The following CADM2 variants were observed in gnomAD, a reference collection of about 807,000 sequenced individuals.
CADM2 encodes immunoglobulin superfamily member 4D.
In CADM2, 12 loss-of-function variants were observed where a neutral mutation model predicts 49.8. The observed-to-expected ratio is 0.24, with a 90% CI of 0.15 to 0.39. CADM2 has a LOEUF of 0.39. Among genes scored for constraint, CADM2 ranks in the 10% least tolerant of loss-of-function variants. The probability of loss-of-function intolerance (pLI) is 1.00; values close to 1 mark genes in which losing one functional copy is unlikely to be tolerated. For missense variants in CADM2, 378 were observed against 492.3 expected, an observed-to-expected ratio of 0.77 and a Z score of 2.20; for synonymous variants, 214 against 175.4, an observed-to-expected ratio of 1.22 and a Z score of -1.74.
intron 3 of CADM2, among the ~76,000 whole-genome samples, chr3:85,812,111 TTG>T (rs1193036050): frequency 2.6e-5 from 4 of 151,988 alleles, no homozygotes; most frequent in African/African-American, 9.7e-5. Context: ...AAGTGTCAAG[TTG>T]TCAGGTACCA....
At chr3:85,474,295 T>C (rs2038890573) in intron 1 of CADM2, among the ~76,000 whole-genome samples, 1 of 151,858 alleles carries the variant, frequency 6.6e-6, no homozygotes, top group African/African-American at 2.4e-5. Context: ...AGTGTTGAAG[T>C]TGGAGTCCGA....
chr3:85,750,840 A>C (rs2068830413), intron 2 of CADM2, among the ~76,000 whole-genome samples: 2 of 152,066 alleles, frequency 1.3e-5, no homozygotes, highest in Admixed American at 6.6e-5. Context: ...GTAATTTCAT[A>C]TGTGACACCA....
At chr3:85,968,410 G>C (rs1255039159) in intron 8 of CADM2, among the ~76,000 whole-genome samples, 1 of 151,490 alleles carries the variant, frequency 6.6e-6, no homozygotes, top group Non-Finnish European at 1.5e-5. Context: ...ATATGTCTCT[G>C]TTTTAAGATG....
intron 1 of CADM2, among the ~76,000 whole-genome samples, chr3:85,361,194 A>G (rs1355975052): frequency 6.6e-6 from 1 of 152,174 alleles, no homozygotes; most frequent in Non-Finnish European, 1.5e-5. Context: ...AATTGGGAGC[A>G]CAAGACTGCA....
chr3:85,028,699 C>T (rs1423340639), intron 1 of CADM2, among the ~76,000 whole-genome samples: 1 of 152,010 alleles, frequency 6.6e-6, no homozygotes, highest in Admixed American at 6.6e-5. Flanking sequence ...CTGGTATACT[C>T]AGTTATGTAA....
intron 1 of CADM2, among the ~76,000 whole-genome samples, chr3:85,611,504 A>G (rs1173363266): frequency 2.0e-5 from 3 of 151,964 alleles, no homozygotes; most frequent in Non-Finnish European, 4.4e-5. Context: ...AGTTGAACTC[A>G]TGAGAAAGAG....
At chr3:85,556,438 C>CA (rs1296667864) in intron 1 of CADM2, among the ~76,000 whole-genome samples, 3 of 151,960 alleles carry the variant, frequency 2.0e-5, no homozygotes, top group Non-Finnish European at 4.4e-5. Context: ...AACTCTATTT[C>CA]AAAAATTTAA....
At chr3:85,143,485 A>G (rs956256299) in intron 1 of CADM2, among the ~76,000 whole-genome samples, 1 of 152,184 alleles carries the variant, frequency 6.6e-6, no homozygotes, top group Non-Finnish European at 1.5e-5. Context: ...GTCTCAAAAA[A>G]TAATTAATAT....
chr3:85,407,459 A>T (rs2107458182), intron 1 of CADM2, among the ~76,000 whole-genome samples: 1 of 152,214 alleles, frequency 6.6e-6, no homozygotes, highest in African/African-American at 2.4e-5. Flanking sequence ...TACCATTTTG[A>T]AATATCCCCC....
chr3:85,088,503 AT>A (rs1347918452), intron 1 of CADM2, among the ~76,000 whole-genome samples: 2 of 152,070 alleles, frequency 1.3e-5, no homozygotes, highest in Admixed American at 6.6e-5. Context: ...ACCACCTTTT[AT>A]TTTTCTGGCA....
At chr3:85,734,921 C>T (rs540739881) in intron 2 of CADM2, among the ~76,000 whole-genome samples, 13 of 150,924 alleles carry the variant, frequency 8.6e-5, no homozygotes, top group African/African-American at 2.7e-4. Context: ...AGTAAAAGAG[C>T]ATTTCTTATC....
chr3:85,366,135 A>G (rs1307606380), intron 1 of CADM2, among the ~76,000 whole-genome samples: 2 of 152,246 alleles, frequency 1.3e-5, no homozygotes, highest in Non-Finnish European at 1.5e-5. Flanking sequence ...CAGATGTATC[A>G]TGAAAATTAG....
intron 1 of CADM2, among the ~76,000 whole-genome samples, chr3:85,050,815 C>T (rs887036608): frequency 3.9e-5 from 6 of 152,158 alleles, no homozygotes; most frequent in African/African-American, 1.4e-4. Flanking sequence ...CCCTCCAATC[C>T]TTTAAAAATT....
intron 1 of CADM2, among the ~76,000 whole-genome samples, chr3:85,169,203 A>G (rs1458465583): frequency 2.0e-5 from 3 of 151,982 alleles, no homozygotes; most frequent in Non-Finnish European, 4.4e-5. Flanking sequence ...CAGGTTGGCA[A>G]GTCTAGTGTC....
At chr3:85,208,608 G>T (rs1237035238) in intron 1 of CADM2, among the ~76,000 whole-genome samples, 1 of 152,134 alleles carries the variant, frequency 6.6e-6, no homozygotes, top group Admixed American at 6.5e-5. Flanking sequence ...CATATTGAAA[G>T]AAAGCAGTTA....
At chr3:85,571,713 T>G (rs906545671) in intron 1 of CADM2, among the ~76,000 whole-genome samples, 2 of 152,218 alleles carry the variant, frequency 1.3e-5, no homozygotes, top group African/African-American at 4.8e-5. Context: ...ATATTTGGAT[T>G]GTAACTTTTA....
At chr3:85,998,673 A>T (rs2108732154) in intron 8 of CADM2, among the ~76,000 whole-genome samples, 1 of 152,242 alleles carries the variant, frequency 6.6e-6, no homozygotes, top group Non-Finnish European at 1.5e-5. Context: ...GTGATGAGAA[A>T]CAATTTAAAT....
intron 1 of CADM2, among the ~76,000 whole-genome samples, chr3:85,335,156 A>C (rs748497119): frequency 8.9e-4 from 135 of 151,590 alleles, no homozygotes; most frequent in Admixed American, 2.0e-3. Context: ...ATAATTTCTA[A>C]CTTATTTTGA....
At chr3:85,209,747 G>A (rs1009183202) in intron 1 of CADM2, among the ~76,000 whole-genome samples, 17 of 151,824 alleles carry the variant, frequency 1.1e-4, no homozygotes, top group African/African-American at 3.6e-4. Flanking sequence ...CAATTAGTCT[G>A]AAAGTGAACT....
Sources: gnomAD v4.1 joint callset for allele counts (sites outside exome capture counted in the v4.1 genomes callset) on GRCh38, gnomAD v4.1.1 for gene constraint, MANE v1.5 for transcripts, NCBI Gene and HGNC (gene_info 2026-07-23, HGNC 2026-07-21) for gene names.